FABP7: variants seen among roughly 807,000 people sequenced by gnomAD.
The protein encoded by FABP7 is fatty acid binding protein 7.
Under a neutral mutation model 14.2 loss-of-function variants are expected in FABP7, and 13 were observed. That is an observed-to-expected ratio of 0.91 (90% CI 0.59 to 1.45). The LOEUF is 1.45. Among genes scored for constraint, FABP7 ranks in the 40% most tolerant of loss-of-function variants. The probability of loss-of-function intolerance (pLI) is 0.00; values close to 1 mark genes in which losing one functional copy is unlikely to be tolerated. For synonymous variants in FABP7, 49 were observed against 51.4 expected, an observed-to-expected ratio of 0.95 and a Z score of 0.20; for missense variants, 149 against 157.6, an observed-to-expected ratio of 0.95 and a Z score of 0.29.
chr6:122,781,238 C>G, intron 3 of FABP7, 44 bp downstream of exon 3: 1 of 1,597,380 alleles, frequency 6.3e-7, no homozygotes, highest in Non-Finnish European at 8.6e-7. Flanking sequence ...TTTTTCTCCT[C>G]TCCGCACACC....
At chr6:122,774,514 A>G in the FABP7 span, among the ~76,000 whole-genome samples, 1 of 152,130 alleles carries the variant, frequency 6.6e-6, no homozygotes, top group South Asian at 2.1e-4. Context: ...CAGAGCAAAT[A>G]AGCTACTATT....
chr6:122,775,058 T>A (rs1300782042), upstream of FABP7, among the ~76,000 whole-genome samples: 2 of 152,000 alleles, frequency 1.3e-5, no homozygotes, highest in Non-Finnish European at 2.9e-5. Flanking sequence ...AGAAAAATAA[T>A]ATTGTTAAAT....
At chr6:122,753,798 C>CA in the FABP7 span, among the ~76,000 whole-genome samples, 24 of 107,656 alleles carry the variant, frequency 2.2e-4, no homozygotes, top group Non-Finnish European at 4.6e-4. Context: ...CCCCCCCGCC[C>CA]ACAGAAGTTT....
At chr6:122,781,255 C>T (rs771027231) in intron 3 of FABP7, 61 bp downstream of exon 3, 2 of 1,580,818 alleles carry the variant, frequency 1.3e-6, no homozygotes, top group Admixed American at 1.7e-5. Flanking sequence ...CACCTCTCAC[C>T]TCCTTCCTTC....
chr6:122,777,453 A>G (rs1436778175), upstream of FABP7, among the ~76,000 whole-genome samples: 3 of 152,154 alleles, frequency 2.0e-5, no homozygotes, highest in African/African-American at 7.2e-5. Context: ...GGGAAGTCGG[A>G]CATACTTCTG....
At chr6:122,758,717 G>T in the FABP7 span, among the ~76,000 whole-genome samples, 1 of 152,082 alleles carries the variant, frequency 6.6e-6, no homozygotes, top group Non-Finnish European at 1.5e-5. Flanking sequence ...CAATTAGGAA[G>T]ACAATATATA....
chr6:122,756,138 A>G, the FABP7 span, among the ~76,000 whole-genome samples: 1 of 152,156 alleles, frequency 6.6e-6, no homozygotes, highest in Admixed American at 6.5e-5. Context: ...TCCTGGAGAC[A>G]TGAGTAAACA....
chr6:122,783,602 TG>T, intron 3 of FABP7, 114 bp from the exon 4 acceptor site: 1 of 1,445,994 alleles, frequency 6.9e-7, no homozygotes, highest in Non-Finnish European at 9.1e-7. Context: ...CAGCATTTAA[TG>T]TTTGTAAATG....
chr6:122,777,613 C>T (rs550157527), upstream of FABP7, among the ~76,000 whole-genome samples: 2 of 152,142 alleles, frequency 1.3e-5, no homozygotes, highest in South Asian at 4.2e-4. Flanking sequence ...TTCATCTTGC[C>T]ACAGAGCATC....
chr6:122,780,567 T>C, intron 2 of FABP7, 104 bp downstream of exon 2: 1 of 1,230,646 alleles, frequency 8.1e-7, no homozygotes, highest in Non-Finnish European at 1.1e-6. Flanking sequence ...GTAGAATATT[T>C]TCAGTATTTC....
chr6:122,754,137 C>G, the FABP7 span, among the ~76,000 whole-genome samples: 1 of 152,078 alleles, frequency 6.6e-6, no homozygotes, highest in Admixed American at 6.6e-5. Flanking sequence ...TATCAGCTCA[C>G]AACACTTAGC....
the FABP7 span, among the ~76,000 whole-genome samples, chr6:122,765,946 T>G: frequency 6.6e-6 from 1 of 152,204 alleles, no homozygotes; most frequent in South Asian, 2.1e-4. Flanking sequence ...TGCCCACAGA[T>G]TTCATGCTGG....
At chr6:122,775,002 T>TG (rs1322325300), upstream of FABP7, among the ~76,000 whole-genome samples, 1 of 150,766 alleles carries the variant, frequency 6.6e-6, no homozygotes, top group Non-Finnish European at 1.5e-5. Context: ...TGAAATAAAA[T>TG]GAAAAAAAAC....
At chr6:122,770,872 T>C in the FABP7 span, among the ~76,000 whole-genome samples, 34 of 152,332 alleles carry the variant, frequency 2.2e-4, no homozygotes, top group East Asian at 4.8e-3. Flanking sequence ...ATCTGATTCA[T>C]GCTCTGCAGA....
At chr6:122,781,048 G>GA in intron 2 of FABP7, 45 bp from the exon 3 acceptor site, 1 of 1,558,228 alleles carries the variant, frequency 6.4e-7, no homozygotes, top group Non-Finnish European at 8.7e-7. Flanking sequence ...TCAGAAATCT[G>GA]AATTGTATTT....
chr6:122,765,861 A>G, the FABP7 span, among the ~76,000 whole-genome samples: 1 of 151,612 alleles, frequency 6.6e-6, no homozygotes, highest in Admixed American at 6.6e-5. Context: ...TGCTTTGATC[A>G]TTTTCTGAGA....
the FABP7 span, among the ~76,000 whole-genome samples, chr6:122,769,707 G>A: frequency 1.3e-5 from 2 of 152,034 alleles, no homozygotes; most frequent in Non-Finnish European, 2.9e-5. Flanking sequence ...GCATTTTCTT[G>A]AGTCTCGAAT....
chr6:122,782,200 A>T, intron 3 of FABP7: 2 of 981,848 alleles, frequency 2.0e-6, no homozygotes, highest in Non-Finnish European at 2.4e-6. Context: ...ATTATCTGTA[A>T]AAGAGGATTT....
chr6:122,755,687 G>A, the FABP7 span, among the ~76,000 whole-genome samples: 2 of 151,848 alleles, frequency 1.3e-5, no homozygotes, highest in Non-Finnish European at 2.9e-5. Context: ...TTGATCTCCT[G>A]ACCTTGTGAT....
Sources: allele counts gnomAD v4.1 joint callset (sites outside exome capture counted in the v4.1 genomes callset), GRCh38; gene constraint gnomAD v4.1.1; transcripts MANE v1.5; gene names NCBI Gene and HGNC (gene_info 2026-07-23, HGNC 2026-07-21).